The following LRP1B variants were observed in gnomAD, a reference collection of about 807,000 sequenced individuals.
The protein encoded by LRP1B is LDL receptor related protein 1B.
LRP1B carries 217 observed loss-of-function variants against 556.6 expected under a neutral mutation model. That is an observed-to-expected ratio of 0.39 (90% CI 0.35 to 0.44). The LOEUF (loss-of-function observed/expected upper bound fraction) is 0.44, where lower values mean the gene tolerates loss of function less well. Ranked by LOEUF, LRP1B falls within the 20% of genes least tolerant of loss-of-function variation. LRP1B has a pLI of 1.00. For missense variants in LRP1B, 5,053 were observed against 5,620.8 expected, an observed-to-expected ratio of 0.90 and a Z score of 3.23; for synonymous variants, 2,047 against 1,865.8, an observed-to-expected ratio of 1.10 and a Z score of -2.50.
At chr2:140,922,919 C>T (rs756829202) in intron 21 of LRP1B, 46 bp downstream of exon 21, 4 of 1,542,996 alleles carry the variant, frequency 2.6e-6, no homozygotes, top group Non-Finnish European at 3.5e-6. Flanking sequence ...AAAAGGACTC[C>T]ACACTCAGGG....
intron 3 of LRP1B, among the ~76,000 whole-genome samples, chr2:141,297,194 C>T (rs1405472939): frequency 2.0e-5 from 3 of 152,056 alleles, no homozygotes; most frequent in Non-Finnish European, 4.4e-5. Flanking sequence ...TTCGGTAGAA[C>T]AATTTATTTT....
chr2:140,727,328 G>T (rs546427688), intron 35 of LRP1B, among the ~76,000 whole-genome samples: 1 of 152,202 alleles, frequency 6.6e-6, no homozygotes, highest in Non-Finnish European at 1.5e-5. Context: ...AGGAGGGACA[G>T]GCCTGAAATC....
At position 140,687,599 on chromosome 2, in the gene LRP1B, T is replaced by A. The variant is rs145174669; in HGVS notation, c.6799+12651A>T. 4.1e-3 allele frequency among the ~76,000 whole-genome samples: 621 copies of A among 152,168 alleles called. 6 individuals are homozygous for A. The highest frequency in any genetic ancestry group is 0.02 in the Middle Eastern group (6 of 294). ...GATTTTTTTTTTAGTACAAGTTCTT[T>A]TAATATACTCTTTCTCTCTCTCTCT... is the stretch of plus-strand genomic sequence containing the variant. On this transcript the variant is annotated intron_variant, in intron 41 of 90. Transcript: ENST00000389484.
At chr2:141,852,520 G>T (rs1029145983) in intron 1 of LRP1B, among the ~76,000 whole-genome samples, 6 of 151,568 alleles carry the variant, frequency 4.0e-5, no homozygotes, top group African/African-American at 1.5e-4. Flanking sequence ...CAACATAAGA[G>T]TTATTAAAAT....
intron 2 of LRP1B, among the ~76,000 whole-genome samples, chr2:141,545,984 T>A (rs1413315928): frequency 6.6e-6 from 1 of 152,156 alleles, no homozygotes; most frequent in Admixed American, 6.6e-5. Context: ...GCCATTAAAT[T>A]TCTGATAATT....
chr2:141,740,618 A>G (rs1693660538), intron 2 of LRP1B, among the ~76,000 whole-genome samples: 2 of 152,172 alleles, frequency 1.3e-5, no homozygotes, highest in African/African-American at 2.4e-5. Context: ...AGTTATTTAA[A>G]AATATACACA....
chr2:140,440,728 T>C (rs1340537290), intron 66 of LRP1B, among the ~76,000 whole-genome samples: 1 of 152,092 alleles, frequency 6.6e-6, no homozygotes, highest in East Asian at 1.9e-4. Context: ...CCTCCATCCT[T>C]GTCCCTCTGT....
intron 3 of LRP1B, among the ~76,000 whole-genome samples, chr2:141,312,008 G>T (rs947280572): frequency 2.6e-4 from 40 of 152,140 alleles, no homozygotes; most frequent in Non-Finnish European, 5.1e-4. Context: ...AGCATTATGG[G>T]AGATTTTGGT....
At chr2:140,243,138 T>C (rs1455856810) in intron 87 of LRP1B, among the ~76,000 whole-genome samples, 2 of 151,026 alleles carry the variant, frequency 1.3e-5, no homozygotes, top group East Asian at 2.0e-4. Flanking sequence ...TTGAGATCCC[T>C]GTGGAATATA....
At chr2:141,855,158 ATGAAGCAGCCATT>A (rs1236296854) in intron 1 of LRP1B, among the ~76,000 whole-genome samples, 17 of 152,042 alleles carry the variant, frequency 1.1e-4, no homozygotes, top group Non-Finnish European at 5.9e-5. Context: ...GGCTCTCAAG[ATGAAGCAGCCATT>A]TGAAGCTTCC....
intron 41 of LRP1B, among the ~76,000 whole-genome samples, chr2:140,700,003 T>G (rs1686573961): frequency 7.3e-6 from 1 of 136,128 alleles, no homozygotes; most frequent in South Asian, 2.3e-4. Flanking sequence ...AACATTATGA[T>G]AAAACATATT....
chr2:140,592,839 C>T (rs1347705923), intron 43 of LRP1B, among the ~76,000 whole-genome samples: 1 of 151,712 alleles, frequency 6.6e-6, no homozygotes, highest in African/African-American at 2.4e-5. Flanking sequence ...ACTTAGGAGG[C>T]CAAAGTGGGA....
intron 41 of LRP1B, among the ~76,000 whole-genome samples, chr2:140,617,505 T>A (rs886549010): frequency 2.0e-5 from 3 of 151,948 alleles, no homozygotes; most frequent in African/African-American, 7.2e-5. Context: ...TGGTAAGAAA[T>A]TAATTTGATG....
intron 2 of LRP1B, among the ~76,000 whole-genome samples, chr2:141,529,433 G>C (rs886136650): frequency 6.6e-6 from 1 of 152,104 alleles, no homozygotes; most frequent in Non-Finnish European, 1.5e-5. Flanking sequence ...AGCAAACAGA[G>C]ATATCAATAA....
chr2:141,590,423 A>C (rs1687295559), intron 2 of LRP1B, among the ~76,000 whole-genome samples: 1 of 152,128 alleles, frequency 6.6e-6, no homozygotes, highest in South Asian at 2.1e-4. Context: ...AAATACTTGG[A>C]GTGCCCTAGG....
At chr2:140,498,716 G>A (rs1278133893) in intron 55 of LRP1B, among the ~76,000 whole-genome samples, 1 of 151,698 alleles carries the variant, frequency 6.6e-6, no homozygotes, top group Admixed American at 6.6e-5. Flanking sequence ...GCATCTTGTT[G>A]TACATAAAGC....
chr2:141,045,101 T>G (rs1698828194), intron 11 of LRP1B, among the ~76,000 whole-genome samples: 2 of 147,492 alleles, frequency 1.4e-5, no homozygotes, highest in Admixed American at 6.8e-5. Context: ...TAAAAAATGA[T>G]GAGTTCATGT....
chr2:141,868,601 G>A (rs1055491285), intron 1 of LRP1B, among the ~76,000 whole-genome samples: 2 of 152,166 alleles, frequency 1.3e-5, no homozygotes, highest in African/African-American at 4.8e-5. Flanking sequence ...GTAGTTGGGG[G>A]AAAGTGCTGA....
intron 1 of LRP1B, among the ~76,000 whole-genome samples, chr2:141,901,189 G>C (rs1249523082): frequency 6.6e-6 from 1 of 151,870 alleles, no homozygotes; most frequent in African/African-American, 2.4e-5. Context: ...TTTCCCTCAT[G>C]CAACAGAAAC....
Sources: gnomAD v4.1 joint callset for allele counts (sites outside exome capture counted in the v4.1 genomes callset) on GRCh38, gnomAD v4.1.1 for gene constraint, MANE v1.5 for transcripts, NCBI Gene and HGNC (gene_info 2026-07-23, HGNC 2026-07-21) for gene names.